The following CAMKMT variants were observed in gnomAD, a reference collection of about 807,000 sequenced individuals.
The protein encoded by CAMKMT is CaM KMT.
A neutral mutation model predicts 48.0 loss-of-function variants in CAMKMT; 53 were observed. The observed-to-expected ratio is 1.10, with a 90% CI of 0.89 to 1.39. The LOEUF (loss-of-function observed/expected upper bound fraction) is 1.39, where lower values mean the gene tolerates loss of function less well. CAMKMT is among the 40% of genes most tolerant of loss of function. The pLI is 0.00. For synonymous variants in CAMKMT, 165 were observed against 152.3 expected (o/e 1.08, Z -0.61); for missense variants, 428 against 402.7 (o/e 1.06, Z -0.54).
At chr2:44,525,454 C>G (rs1671355512) in intron 3 of CAMKMT, among the ~76,000 whole-genome samples, 1 of 152,110 alleles carries the variant, frequency 6.6e-6, no homozygotes, top group Non-Finnish European at 1.5e-5. Context: ...CAGAGTTTCA[C>G]CATATTAGCC....
chr2:44,483,271 C>A (rs1430221059), intron 3 of CAMKMT, among the ~76,000 whole-genome samples: 2 of 152,036 alleles, frequency 1.3e-5, no homozygotes, highest in South Asian at 4.1e-4. Context: ...TCATTTTTTT[C>A]TTCTGTGCTT....
intron 3 of CAMKMT, among the ~76,000 whole-genome samples, chr2:44,422,116 T>A (rs1683974132): frequency 6.6e-6 from 1 of 152,032 alleles, no homozygotes; most frequent in African/African-American, 2.4e-5. Flanking sequence ...GTCATGGAGG[T>A]GGAGTCCTCA....
intron 3 of CAMKMT, among the ~76,000 whole-genome samples, chr2:44,459,156 A>G (rs1362805438): frequency 2.0e-5 from 3 of 152,172 alleles, no homozygotes; most frequent in Non-Finnish European, 4.4e-5. Flanking sequence ...TCAGAATTAT[A>G]GTTGTAAGCA....
chr2:44,469,262 G>C (rs1482851229), intron 3 of CAMKMT, among the ~76,000 whole-genome samples: 1 of 94,490 alleles, frequency 1.1e-5, no homozygotes, highest in Non-Finnish European at 2.3e-5. Context: ...CTATGTGTTA[G>C]TTAAATATAA....
intron 3 of CAMKMT, among the ~76,000 whole-genome samples, chr2:44,615,355 G>A (rs1671828595): frequency 6.6e-6 from 1 of 152,172 alleles, no homozygotes; most frequent in Admixed American, 6.5e-5. Flanking sequence ...GGCCGGGGAA[G>A]AGCAATAATC....
intron 1 of CAMKMT, among the ~76,000 whole-genome samples, chr2:44,363,677 G>A (rs1426740164): frequency 6.8e-6 from 1 of 147,054 alleles, no homozygotes; most frequent in Non-Finnish European, 1.5e-5. Flanking sequence ...ACCGTGCCCG[G>A]CAACCCCCTT....
chr2:44,397,124 G>A (rs1292511311), intron 3 of CAMKMT, among the ~76,000 whole-genome samples: 1 of 151,742 alleles, frequency 6.6e-6, no homozygotes, highest in East Asian at 1.9e-4. Flanking sequence ...TCTTGAAGGA[G>A]CTCACAGCAT....
intron 3 of CAMKMT, among the ~76,000 whole-genome samples, chr2:44,647,036 C>T (rs1039890628): frequency 3.3e-5 from 5 of 152,162 alleles, no homozygotes; most frequent in African/African-American, 9.7e-5. Flanking sequence ...CGGTGGCTCA[C>T]GCCTGTAATT....
At chr2:44,641,842 G>T (rs1181516609) in intron 3 of CAMKMT, among the ~76,000 whole-genome samples, 2 of 152,204 alleles carry the variant, frequency 1.3e-5, no homozygotes. Flanking sequence ...ATAGGCGTGA[G>T]CCACCACACC....
At chr2:44,668,765 A>G (rs1453226655) in intron 3 of CAMKMT, among the ~76,000 whole-genome samples, 1 of 151,790 alleles carries the variant, frequency 6.6e-6, no homozygotes, top group African/African-American at 2.4e-5. Context: ...GCCATCATTT[A>G]CTTGCTTTTC....
At chr2:44,633,538 T>C (rs1672958321) in intron 3 of CAMKMT, among the ~76,000 whole-genome samples, 1 of 152,214 alleles carries the variant, frequency 6.6e-6, no homozygotes, top group Non-Finnish European at 1.5e-5. Flanking sequence ...ACTAATCTGA[T>C]GTTAAGCCTA....
chr2:44,632,449 A>G (rs1173563563), intron 3 of CAMKMT, among the ~76,000 whole-genome samples: 2 of 152,236 alleles, frequency 1.3e-5, no homozygotes, highest in Non-Finnish European at 2.9e-5. Context: ...TTACAACATG[A>G]TGTTATAGAT....
At chr2:44,572,491 G>A (rs1251627534) in intron 3 of CAMKMT, among the ~76,000 whole-genome samples, 4 of 152,164 alleles carry the variant, frequency 2.6e-5, no homozygotes, top group Non-Finnish European at 5.9e-5. Context: ...TTATTCTATT[G>A]CATGTATATA....
chr2:44,382,775 G>A (rs1469293117), intron 2 of CAMKMT, among the ~76,000 whole-genome samples: 2 of 152,142 alleles, frequency 1.3e-5, no homozygotes, highest in Non-Finnish European at 2.9e-5. Flanking sequence ...CACCACGCCC[G>A]GCCAACTTTT....
chr2:44,409,188 T>G (rs1683018622), intron 3 of CAMKMT, among the ~76,000 whole-genome samples: 1 of 134,388 alleles, frequency 7.4e-6, no homozygotes, highest in Non-Finnish European at 1.5e-5. Context: ...TATATGTATA[T>G]TGCTACATAA....
intron 3 of CAMKMT, among the ~76,000 whole-genome samples, chr2:44,627,799 A>G (rs1672577497): frequency 7.4e-6 from 1 of 134,906 alleles, no homozygotes; most frequent in Admixed American, 9.0e-5. Flanking sequence ...TCCCGGATTC[A>G]AGCGATTCTC....
intron 4 of CAMKMT, chr2:44,705,225 A>C (rs1677485756): frequency 6.6e-6 from 2 of 301,322 alleles, no homozygotes; most frequent in Non-Finnish European, 9.8e-6. Context: ...TGTGTTTTGA[A>C]ATATTAATGT....
At chr2:44,627,934 A>G (rs1672587564) in intron 3 of CAMKMT, among the ~76,000 whole-genome samples, 2 of 151,852 alleles carry the variant, frequency 1.3e-5, no homozygotes, top group Admixed American at 6.6e-5. Context: ...TCCTGACCTC[A>G]GGTGATCCAC....
At position 44,372,646 on chromosome 2, in the gene CAMKMT, G is replaced by A. The variant is rs1041445322; in HGVS notation, c.139-70G>A. ...AAAGTCCCCTTACCACTTAAATTTT[G>A]AACATTTTGAACACTAAACTTACTA... On this transcript the variant is annotated intron_variant, in intron 1 of 10. Transcript: ENST00000378494. The A allele has an allele frequency of 5.6e-6, 8 of 1,422,090 alleles. No homozygotes were observed. In the African/African-American group the frequency reaches 1.2e-4, roughly 20 times the overall value. The allele number at this position is 1,422,090 out of a possible 1,614,324, so 88.1% of individuals were successfully genotyped here.
Sources: gnomAD v4.1 joint callset for allele counts (sites outside exome capture counted in the v4.1 genomes callset) on GRCh38, gnomAD v4.1.1 for gene constraint, MANE v1.5 for transcripts, NCBI Gene and HGNC (gene_info 2026-07-23, HGNC 2026-07-21) for gene names.